ZNF717: variants seen among roughly 807,000 people sequenced by gnomAD.
ZNF717 encodes the protein krueppel-like factor X17.
A neutral mutation model predicts 13.8 loss-of-function variants in ZNF717; 9 were observed. The ratio of observed to expected loss-of-function variants is 0.65; its 90% CI spans 0.39 to 1.14. ZNF717 has a LOEUF of 1.14. ZNF717 is among the 50% of genes most tolerant of loss of function. ZNF717 has a pLI of 0.01. For synonymous variants in ZNF717, 327 were observed against 364.1 expected (o/e 0.90, Z 1.16); for missense variants, 1,040 against 1,080.7 (o/e 0.96, Z 0.53).
chr3:75,708,933 A>G (rs1937868183), downstream of ZNF717, among the ~76,000 whole-genome samples: 1 of 152,150 alleles, frequency 6.6e-6, no homozygotes, highest in South Asian at 2.1e-4. Flanking sequence ...CAGCAGGCAC[A>G]TTACATGGTG....
intron 2 of ZNF717, among the ~76,000 whole-genome samples, chr3:75,757,468 A>G (rs1306527096): frequency 6.6e-6 from 1 of 152,234 alleles, no homozygotes; most frequent in East Asian, 1.9e-4. Context: ...TAAATATCTT[A>G]AGCCCACTGT....
chr3:75,748,876 A>T (rs1941416826), intron 2 of ZNF717, among the ~76,000 whole-genome samples: 2 of 152,112 alleles, frequency 1.3e-5, no homozygotes, highest in African/African-American at 4.8e-5. Context: ...CAGTGTATTC[A>T]ATTAGGAAAA....
chr3:75,718,151 G>T (rs1331271823), intron 4 of ZNF717, among the ~76,000 whole-genome samples: 29 of 152,294 alleles, frequency 1.9e-4, no homozygotes, highest in African/African-American at 6.3e-4. Context: ...CACAGCCAGG[G>T]GACAACGGAA....
intron 2 of ZNF717, among the ~76,000 whole-genome samples, chr3:75,745,698 G>A (rs1160766631): frequency 6.6e-6 from 1 of 151,792 alleles, no homozygotes; most frequent in Non-Finnish European, 1.5e-5. Context: ...TATACCAGTA[G>A]GAGTCATGTC....
At chr3:75,757,402 C>T (rs944238306) in intron 2 of ZNF717, among the ~76,000 whole-genome samples, 3 of 152,220 alleles carry the variant, frequency 2.0e-5, no homozygotes, top group Admixed American at 1.3e-4. Flanking sequence ...TGCCTGTACT[C>T]TACAAATGGG....
chr3:75,780,643 AC>A (rs1413575137), intron 2 of ZNF717, among the ~76,000 whole-genome samples: 2 of 152,190 alleles, frequency 1.3e-5, no homozygotes, highest in Non-Finnish European at 2.9e-5. Flanking sequence ...CTTGTGATCC[AC>A]CCACCTCGGC....
At chr3:75,732,619 T>G, downstream of ZNF717, among the ~76,000 whole-genome samples, 1 of 152,218 alleles carries the variant, frequency 6.6e-6, no homozygotes, top group Non-Finnish European at 1.5e-5. Flanking sequence ...GAGGAATGGG[T>G]CTCATCAAAC....
intron 2 of ZNF717, among the ~76,000 whole-genome samples, chr3:75,770,289 G>A (rs529965693): frequency 2.5e-4 from 38 of 152,338 alleles, no homozygotes; most frequent in Admixed American, 1.3e-3. Flanking sequence ...GGCCGGGCAC[G>A]GTGGCTCACG....
At chr3:75,718,774 T>C (rs1938112684) in intron 4 of ZNF717, among the ~76,000 whole-genome samples, 5 of 152,118 alleles carry the variant, frequency 3.3e-5, no homozygotes. Context: ...GCTGATCTGA[T>C]AGGAGGCGGA....
exon 6 of ZNF717, chr3:75,710,819 G>C (rs1937915675): frequency 1.3e-5 from 2 of 152,088 alleles, no homozygotes; most frequent in African/African-American, 4.8e-5. Context: ...TCTACATGTA[G>C]ATAACAAGAA....
In ZNF717 at chr3:75,737,838, T is replaced by C. The variant is rs748630837; in HGVS notation, c.1785A>G (p.Glu595=). The C allele has an allele frequency of 1.2e-4, 190 of 1,551,590 alleles. No individual in the cohort carries two copies. Among genetic ancestry groups the C allele is most frequent in the Middle Eastern group, 5.0e-4 (3 of 5,986 alleles). The change falls in exon 5 of 5, where the codon GAA becomes GAG. Residue 595 remains glutamate (E), a synonymous_variant. Coordinates refer to ENST00000652011, the MANE Select transcript of ZNF717 (RefSeq NM_001290208.3). ...ACTTATTGATAAAGGTTTTCTCACA[T>C]TCATTACATTCATAGGGTTTTTTGC... ...HAGKKPYECN[E]CEKTFINKLN... is the part of the protein sequence containing the mutation.
chr3:75,756,727 T>C (rs1203288059), intron 2 of ZNF717, among the ~76,000 whole-genome samples: 3 of 152,126 alleles, frequency 2.0e-5, no homozygotes, highest in Non-Finnish European at 4.4e-5. Flanking sequence ...CAAGCTAGAG[T>C]GCAATGGCGC....
intron 2 of ZNF717, among the ~76,000 whole-genome samples, chr3:75,758,902 C>T (rs543782889): frequency 8.1e-4 from 124 of 152,242 alleles, no homozygotes; most frequent in African/African-American, 2.6e-3. Flanking sequence ...AGTCAGGAGT[C>T]TGAGGTGGGG....
chr3:75,695,686 C>T (rs1191035882), intron 6 of ZNF717, among the ~76,000 whole-genome samples: 1 of 152,240 alleles, frequency 6.6e-6, no homozygotes, highest in Non-Finnish European at 1.5e-5. Context: ...AGAAACTATA[C>T]AAACACAAGG....
intron 2 of ZNF717, among the ~76,000 whole-genome samples, chr3:75,748,960 G>T (rs1471567313): frequency 6.6e-6 from 1 of 152,076 alleles, no homozygotes; most frequent in South Asian, 2.1e-4. Context: ...TACTGCTGTG[G>T]TCCGAGTGTT....
At chr3:75,761,929 C>T (rs1380403799) in intron 2 of ZNF717, among the ~76,000 whole-genome samples, 20 of 152,166 alleles carry the variant, frequency 1.3e-4, no homozygotes, top group Non-Finnish European at 2.6e-4. Context: ...TGGCAGACAC[C>T]TGTAGTCCCA....
In ZNF717 at chr3:75,739,048, T is replaced by A. The variant is rs77110669; in HGVS notation, c.575A>T (p.His192Leu). The A allele has an allele frequency of 1.3e-6, 2 of 1,551,326 alleles. No homozygotes were observed. The highest frequency in any genetic ancestry group is 8.7e-7 in the Non-Finnish European group (1 of 1,146,952). ...GTGATGCTGAGTAAGATGTTCATGA[T>A]GTCTGTGGGATCTCCTGGTTATATC... ...VCDITRRSHRHHEHLTQHHKI... is the reference protein window; with the variant it reads ...VCDITRRSHRLHEHLTQHHKI... Residue 192 changes from histidine to leucine, a missense_variant, in exon 5 of 5, where the codon CAT becomes CTT. Physicochemically the swap from His to Leu is moderately conservative, Grantham distance 99. Coordinates refer to ENST00000652011, the MANE Select transcript of ZNF717 (RefSeq NM_001290208.3).
At chr3:75,762,843 C>T (rs144762244) in intron 2 of ZNF717, among the ~76,000 whole-genome samples, 172 of 152,216 alleles carry the variant, frequency 1.1e-3, no homozygotes, top group African/African-American at 3.8e-3. Flanking sequence ...TAAAGACACA[C>T]GAGAAACTTA....
At chr3:75,747,544 G>A (rs1941292377) in intron 2 of ZNF717, among the ~76,000 whole-genome samples, 1 of 152,054 alleles carries the variant, frequency 6.6e-6, no homozygotes, top group Admixed American at 6.6e-5. Flanking sequence ...GTTGAGCAGT[G>A]GTTTGCAGTT....
Sources: gnomAD v4.1 joint callset for allele counts (sites outside exome capture counted in the v4.1 genomes callset) on GRCh38, gnomAD v4.1.1 for gene constraint, MANE v1.5 for transcripts, NCBI Gene and HGNC (gene_info 2026-07-23, HGNC 2026-07-21) for gene names.